GRK7: variants seen among roughly 807,000 people sequenced by gnomAD.
GRK7 encodes rhodopsin kinase GRK7.
GRK7 carries 24 observed loss-of-function variants against 34.1 expected under a neutral mutation model. The observed-to-expected ratio is 0.70, with a 90% CI of 0.51 to 0.99. GRK7 has a LOEUF of 0.99. GRK7 is among the 50% of genes least tolerant of loss of function. The probability of loss-of-function intolerance (pLI) is 0.00; values close to 1 mark genes in which losing one functional copy is unlikely to be tolerated. For missense variants in GRK7, 644 were observed against 707.3 expected, an observed-to-expected ratio of 0.91 and a Z score of 1.02; for synonymous variants, 256 against 279.4, an observed-to-expected ratio of 0.92 and a Z score of 0.84.
chr3:141,811,880 A>ATT (rs1402523365), intron 5 of GRK7, among the ~76,000 whole-genome samples: 9 of 152,166 alleles, frequency 5.9e-5, no homozygotes, highest in Non-Finnish European at 1.3e-4. Context: ...TGGGTCTGGG[A>ATT]GATAATTTTG....
At chr3:141,754,286 C>T in the GRK7 span, among the ~76,000 whole-genome samples, 9 of 152,094 alleles carry the variant, frequency 5.9e-5, no homozygotes, top group Non-Finnish European at 8.8e-5. Flanking sequence ...AGTGATGGCT[C>T]ATTCTCCTGC....
intron 4 of GRK7, among the ~76,000 whole-genome samples, chr3:141,805,514 G>A (rs879827228): frequency 6.6e-6 from 1 of 152,104 alleles, no homozygotes; most frequent in South Asian, 2.1e-4. Context: ...GATGTAAACC[G>A]GGACTGTCCC....
In GRK7 at chr3:141,763,665, C is replaced by T. The variant is rs901020074; in HGVS notation, c.-2288C>T. On this transcript the variant is annotated 5_prime_UTR_variant, in exon 1 of 6. Coordinates refer to ENST00000682958, the MANE Select transcript of GRK7 (RefSeq NM_139209.3). ...CACCATCTGCTTTGAGTCCAGCAAT[C>T]TCATCCTGCCCTTTATCCTAGTTAG... Among the ~76,000 whole-genome samples the T allele has an allele frequency of 1.3e-5, 2 of 152,182 alleles. No homozygotes were observed. Among genetic ancestry groups the T allele is most frequent in the Non-Finnish European group, 2.9e-5 (2 of 68,042 alleles).
the GRK7 span, among the ~76,000 whole-genome samples, chr3:141,756,843 T>C: frequency 6.6e-6 from 1 of 152,220 alleles, no homozygotes; most frequent in East Asian, 1.9e-4. Flanking sequence ...CATCTTGTTC[T>C]GGTCCCCTGT....
In GRK7 at chr3:141,807,836, C is replaced by A; in HGVS notation, c.1242C>A (p.Phe414Leu). Residue 414 changes from phenylalanine to leucine, a missense_variant, in exon 5 of 6, where the codon TTC becomes TTA. Transcript: ENST00000682958. ...GAACTCTGCAAGACGAGGTCAAATT[C>A]CAGCATGATAACTTCACAGAGGAAG... ...KQRTLQDEVK[F>L]QHDNFTEEAK... 1 of 1,613,904 alleles carries A rather than the reference C, an allele frequency of 6.2e-7. No homozygotes were observed. The highest frequency in any genetic ancestry group is 1.7e-5 in the Admixed American group (1 of 60,000).
rs1273101086 is a variant in GRK7, at chr3:141,780,398, A to T, written c.637A>T (p.Thr213Ser). 9 of 1,614,014 alleles carry T rather than the reference A, an allele frequency of 5.6e-6. No individual in the cohort carries two copies. Among genetic ancestry groups the T allele is most frequent in the Non-Finnish European group, 1.7e-6 (2 of 1,180,026 alleles). The change falls in exon 4 of 6, where the codon ACT (threonine) becomes TCT (serine). Residue 213 changes from threonine to serine, a missense_variant. Physicochemically the swap from Thr to Ser is moderately conservative, Grantham distance 58 (BLOSUM62 1). Transcript: ENST00000682958. Reference sequence around the variant, plus strand: ...GGTATGTGCCGTCCAGGTGAAAAACACTGGGAAGATGTATGCCTGTAAGAA... The same window carrying T: ...GGTATGTGCCGTCCAGGTGAAAAACTCTGGGAAGATGTATGCCTGTAAGAA... ...GEVCAVQVKN[T>S]GKMYACKKLD... is the part of the protein sequence containing the mutation.
upstream of GRK7, among the ~76,000 whole-genome samples, chr3:141,760,289 C>T (rs1294440131): frequency 8.9e-6 from 1 of 112,264 alleles, no homozygotes; most frequent in Non-Finnish European, 1.8e-5. Flanking sequence ...GCTTTGAATG[C>T]GTCCCAGAGA....
chr3:141,803,353 C>A (rs1046782255), intron 4 of GRK7, among the ~76,000 whole-genome samples: 2 of 151,392 alleles, frequency 1.3e-5, no homozygotes, highest in African/African-American at 4.9e-5. Flanking sequence ...ATCGCTTGAA[C>A]CGGGGAGGTG....
the GRK7 span, among the ~76,000 whole-genome samples, chr3:141,756,557 A>G: frequency 2.0e-5 from 3 of 152,162 alleles, no homozygotes; most frequent in African/African-American, 7.2e-5. Context: ...CAGTGAGGGA[A>G]ATGTTCCCTC....
At chr3:141,772,347 C>T (rs1286384269) in intron 1 of GRK7, among the ~76,000 whole-genome samples, 1 of 152,216 alleles carries the variant, frequency 6.6e-6, no homozygotes, top group Non-Finnish European at 1.5e-5. Flanking sequence ...CCCACCTTAG[C>T]CTCCCAAAGT....
rs372400792 is a variant in GRK7 at position 141,816,731 on chromosome 3, C to T, written c.1343C>T (p.Pro448Leu). The T allele has an allele frequency of 1.3e-6, 2 of 1,533,872 alleles. No homozygotes were observed. Among genetic ancestry groups the T allele is most frequent in the Middle Eastern group, 1.8e-4 (1 of 5,662 alleles). The part of the protein sequence containing the change: ...RLGSREKSDD[P>L]RKHHFFKTIN... ...CTTCACAGAGAAAAGTCTGATGATC[C>T]CAGGAAACATCATTTCTTTAAAACG... The change falls in exon 6 of 6, where the codon CCC (proline) becomes CTC (leucine). Residue 448 changes from proline (P) to leucine (L), a missense_variant. Pro to Leu is a moderately conservative substitution (Grantham distance 98). Transcript: ENST00000682958.
chr3:141,804,741 A>G (rs1022578378), intron 4 of GRK7, among the ~76,000 whole-genome samples: 1 of 151,830 alleles, frequency 6.6e-6, no homozygotes, highest in African/African-American at 2.4e-5. Flanking sequence ...CCTCACATAC[A>G]CATACATATG....
At chr3:141,763,404 G>T (rs2084566024), upstream of GRK7, among the ~76,000 whole-genome samples, 1 of 152,200 alleles carries the variant, frequency 6.6e-6, no homozygotes, top group African/African-American at 2.4e-5. Flanking sequence ...AGTTCTTGCT[G>T]TAGCTTCCAC....
intron 1 of GRK7, among the ~76,000 whole-genome samples, chr3:141,768,659 T>C (rs2084601811): frequency 6.6e-6 from 1 of 152,042 alleles, no homozygotes; most frequent in South Asian, 2.1e-4. Flanking sequence ...CTCCCCATCA[T>C]ATGTCTCTCC....
At chr3:141,804,641 A>G (rs1285365289) in intron 4 of GRK7, among the ~76,000 whole-genome samples, 2 of 151,440 alleles carry the variant, frequency 1.3e-5, no homozygotes, top group East Asian at 1.9e-4. Flanking sequence ...ACACTCACAC[A>G]CATGCACATA....
At chr3:141,781,436 T>C (rs1476627712) in intron 4 of GRK7, among the ~76,000 whole-genome samples, 5 of 150,232 alleles carry the variant, frequency 3.3e-5, no homozygotes, top group Non-Finnish European at 7.4e-5. Context: ...ACTCGGGAGG[T>C]TGAGGCAGGA....
At position 141,778,154 on chromosome 3, in the gene GRK7, C is replaced by A; in HGVS notation, c.-113-18C>A. ...CAAGAGAAACCTCTTTCACACCCTC[C>A]ACGGGTCCCACCCACAGGCCACAGG... is the stretch of plus-strand genomic sequence containing the variant. On this transcript the variant is annotated intron_variant, in intron 2 of 5. Transcript: ENST00000682958. This position sits in a 1 kb window ranked among gnomAD's most constrained non-coding sequence, Gnocchi z 4.1. The A allele has an allele frequency of 8.6e-7, 1 of 1,163,502 alleles. No individual in the cohort carries two copies. The highest frequency in any genetic ancestry group is 1.2e-6 in the Non-Finnish European group (1 of 823,790). The allele number at this position is 1,163,502 out of a possible 1,614,324, so 72.1% of individuals were successfully genotyped here. A position where few individuals can be genotyped will look rare whatever the true frequency, so the allele number is the denominator to read the frequency against.
chr3:141,776,329 A>G (rs1227540335), intron 2 of GRK7, among the ~76,000 whole-genome samples: 1 of 152,102 alleles, frequency 6.6e-6, no homozygotes, highest in Non-Finnish European at 1.5e-5. Flanking sequence ...ATAAATATGT[A>G]TATATCTGTG....
intron 4 of GRK7, among the ~76,000 whole-genome samples, chr3:141,798,789 G>A (rs1416651324): frequency 1.3e-5 from 2 of 152,222 alleles, no homozygotes; most frequent in African/African-American, 2.4e-5. Context: ...AAAGTCTGGC[G>A]TGCGCCTCTA....
Sources: gnomAD v4.1 joint callset for allele counts (sites outside exome capture counted in the v4.1 genomes callset) on GRCh38, gnomAD v4.1.1 for gene constraint, Gnocchi (gnomAD v3.1) non-coding constraint, MANE v1.5 for transcripts, NCBI Gene and HGNC (gene_info 2026-07-23, HGNC 2026-07-21) for gene names.